Variants in SLIT3 observed in about 807,000 individuals in gnomAD.
SLIT3 encodes slit homolog 3 protein.
A neutral mutation model predicts 184.0 loss-of-function variants in SLIT3; 68 were observed. That is an observed-to-expected ratio of 0.37 (90% CI 0.30 to 0.45). SLIT3 has a LOEUF of 0.45. Among genes scored for constraint, SLIT3 ranks in the 20% least tolerant of loss-of-function variants. The pLI is 1.00. For synonymous variants in SLIT3, 831 were observed against 828.6 expected, an observed-to-expected ratio of 1.00 and a Z score of -0.05; for missense variants, 1,707 against 2,026.0, an observed-to-expected ratio of 0.84 and a Z score of 3.02.
intron 4 of SLIT3, among the ~76,000 whole-genome samples, chr5:169,126,482 T>C (rs1268291975): frequency 6.6e-6 from 1 of 152,222 alleles, no homozygotes; most frequent in Non-Finnish European, 1.5e-5. Flanking sequence ...ATAAGAGAAA[T>C]GTCTTTGATT....
intron 26 of SLIT3, 133 bp from the exon 27 acceptor site, chr5:168,700,812 G>T: frequency 1.5e-6 from 1 of 666,814 alleles, no homozygotes; most frequent in Non-Finnish European, 2.7e-6. Context: ...CCTAGGAAAG[G>T]CCTGCTGTGT....
chr5:169,073,061 G>A (rs1185840216), intron 4 of SLIT3, among the ~76,000 whole-genome samples: 2 of 152,188 alleles, frequency 1.3e-5, no homozygotes, highest in South Asian at 2.1e-4. Flanking sequence ...CGCAGGGAGA[G>A]TGCAAATCGT....
At chr5:169,046,979 G>A (rs1180473466) in intron 4 of SLIT3, among the ~76,000 whole-genome samples, 2 of 152,134 alleles carry the variant, frequency 1.3e-5, no homozygotes, top group African/African-American at 4.8e-5. Flanking sequence ...TCTGGCCGCA[G>A]TAAAGACATA....
At chr5:168,815,071 C>A (rs1206882427) in intron 8 of SLIT3, among the ~76,000 whole-genome samples, 6 of 152,170 alleles carry the variant, frequency 3.9e-5, no homozygotes, top group African/African-American at 1.4e-4. Flanking sequence ...TGTCTGGAGC[C>A]TTTGGACTAA....
At chr5:168,936,258 C>G (rs1762154455) in intron 4 of SLIT3, among the ~76,000 whole-genome samples, 1 of 152,182 alleles carries the variant, frequency 6.6e-6, no homozygotes, top group Non-Finnish European at 1.5e-5. Context: ...CTTTTTGAGG[C>G]AGAGTCTCTC....
intron 32 of SLIT3, among the ~76,000 whole-genome samples, chr5:168,679,906 C>T (rs1761529226): frequency 6.6e-6 from 1 of 152,226 alleles, no homozygotes; most frequent in South Asian, 2.1e-4. Flanking sequence ...TCCAATGAGA[C>T]AAAGACCTTG....
At chr5:168,747,821 C>A (rs1754539557) in intron 20 of SLIT3, among the ~76,000 whole-genome samples, 1 of 152,034 alleles carries the variant, frequency 6.6e-6, no homozygotes, top group South Asian at 2.1e-4. Context: ...AATGGGGCCG[C>A]ATGCTTGACA....
Position 168,665,133 on chromosome 5 carries a change from T to C in SLIT3, c.*1321A>G, listed in dbSNP as rs554942665. Reference sequence around the variant, plus strand: ...GTCTGGCTCCTCCACTTATCTGGTGTGTGGCTTAAGGCAAGTTCCAGAGCC... The same window carrying C: ...GTCTGGCTCCTCCACTTATCTGGTGCGTGGCTTAAGGCAAGTTCCAGAGCC... On this transcript the variant is annotated 3_prime_UTR_variant, in exon 36 of 36. Coordinates refer to ENST00000519560, the MANE Select transcript of SLIT3 (RefSeq NM_003062.4). The C allele has an allele frequency of 6.6e-6, 1 of 152,376 alleles. No homozygotes were observed. Among genetic ancestry groups the C allele is most frequent in the South Asian group, 2.1e-4 (1 of 4,828 alleles). 9.4% of individuals were successfully genotyped at this position (152,376 alleles called of 1,614,324 possible).
At chr5:169,258,506 A>C (rs1766054294) in intron 1 of SLIT3, among the ~76,000 whole-genome samples, 1 of 152,102 alleles carries the variant, frequency 6.6e-6, no homozygotes, top group South Asian at 2.1e-4. Flanking sequence ...TGCTGTGTTT[A>C]CCCCTGTCTG....
At chr5:168,936,811 T>C (rs1441665563) in intron 4 of SLIT3, among the ~76,000 whole-genome samples, 2 of 151,980 alleles carry the variant, frequency 1.3e-5, no homozygotes, top group Non-Finnish European at 2.9e-5. Context: ...TATCAACCAA[T>C]ATATACTTAT....
intron 3 of SLIT3, among the ~76,000 whole-genome samples, chr5:169,202,250 T>TAAAAC (rs1413761183): frequency 6.6e-6 from 1 of 151,892 alleles, no homozygotes; most frequent in Non-Finnish European, 1.5e-5. Flanking sequence ...ATAAATAAAA[T>TAAAAC]AAAATAAAAT....
At chr5:168,770,462 T>C (rs757765307) in intron 14 of SLIT3, among the ~76,000 whole-genome samples, 70 of 152,228 alleles carry the variant, frequency 4.6e-4, no homozygotes, top group Non-Finnish European at 8.2e-4. Context: ...GAGCTTTACA[T>C]CTATGGTTTT....
At chr5:168,913,890 T>A (rs1336868675) in intron 4 of SLIT3, among the ~76,000 whole-genome samples, 1 of 152,246 alleles carries the variant, frequency 6.6e-6, no homozygotes, top group Non-Finnish European at 1.5e-5. Flanking sequence ...TAAAAATGTT[T>A]ATGCATATAC....
At chr5:168,702,075 G>C (rs999335188) in intron 26 of SLIT3, among the ~76,000 whole-genome samples, 4 of 152,252 alleles carry the variant, frequency 2.6e-5, no homozygotes, top group Non-Finnish European at 5.9e-5. Context: ...GGGCCAGTCA[G>C]AGGTTTCTTG....
intron 12 of SLIT3, among the ~76,000 whole-genome samples, chr5:168,780,515 A>G (rs2113560429): frequency 6.6e-6 from 1 of 152,350 alleles, no homozygotes; most frequent in Non-Finnish European, 1.5e-5. Context: ...CTCCTTTAGT[A>G]GGAGAATTTA....
At chr5:168,783,772 G>T (rs572416863) in intron 12 of SLIT3, among the ~76,000 whole-genome samples, 1 of 152,116 alleles carries the variant, frequency 6.6e-6, no homozygotes, top group Non-Finnish European at 1.5e-5. Flanking sequence ...TCAATGGCAG[G>T]TCAAAACCCA....
intron 16 of SLIT3, among the ~76,000 whole-genome samples, chr5:168,756,430 C>T (rs571258844): frequency 1.1e-3 from 168 of 152,344 alleles, no homozygotes; most frequent in Non-Finnish European, 1.9e-3. Flanking sequence ...AGGAAACAGC[C>T]GGTGCCTTGG....
At chr5:169,031,939 G>C (rs1237629697) in intron 4 of SLIT3, among the ~76,000 whole-genome samples, 2 of 152,204 alleles carry the variant, frequency 1.3e-5, no homozygotes, top group Non-Finnish European at 2.9e-5. Flanking sequence ...AGAGAGAGCA[G>C]ACAGCATGGA....
At chr5:168,922,892 G>A (rs954201346) in intron 4 of SLIT3, among the ~76,000 whole-genome samples, 5 of 152,182 alleles carry the variant, frequency 3.3e-5, no homozygotes, top group Non-Finnish European at 4.4e-5. Flanking sequence ...CCTAAATGCA[G>A]GAACTGAAGT....
Sources: allele counts gnomAD v4.1 joint callset (sites outside exome capture counted in the v4.1 genomes callset), GRCh38; gene constraint gnomAD v4.1.1; transcripts MANE v1.5; gene names NCBI Gene and HGNC (gene_info 2026-07-23, HGNC 2026-07-21).